The following SLC44A5 variants were observed in gnomAD, a reference collection of about 807,000 sequenced individuals.
SLC44A5 encodes choline transporter-like protein 5.
Under a neutral mutation model 101.8 loss-of-function variants are expected in SLC44A5, and 57 were observed. The observed-to-expected ratio is 0.56, with a 90% CI of 0.45 to 0.70. The LOEUF is 0.70. SLC44A5 is among the 30% of genes least tolerant of loss of function. The probability of loss-of-function intolerance (pLI) is 0.00; values close to 1 mark genes in which losing one functional copy is unlikely to be tolerated. For missense variants in SLC44A5, 737 were observed against 853.1 expected (o/e 0.86, Z 1.70); for synonymous variants, 281 against 290.9 (o/e 0.97, Z 0.35).
At chr1:75,401,009 T>C (rs1409177321) in intron 2 of SLC44A5, among the ~76,000 whole-genome samples, 1 of 152,210 alleles carries the variant, frequency 6.6e-6, no homozygotes, top group Non-Finnish European at 1.5e-5. Flanking sequence ...AAGGTGAGCC[T>C]CTGAAGCTGG....
intron 2 of SLC44A5, among the ~76,000 whole-genome samples, chr1:75,507,576 G>T (rs1237275241): frequency 6.6e-6 from 1 of 151,946 alleles, no homozygotes; most frequent in Non-Finnish European, 1.5e-5. Context: ...GAATCAGTTA[G>T]GGAGAAGTCC....
intron 6 of SLC44A5, among the ~76,000 whole-genome samples, chr1:75,259,164 G>A (rs1650274555): frequency 6.6e-6 from 1 of 152,108 alleles, no homozygotes; most frequent in South Asian, 2.1e-4. Context: ...CAACAAAACT[G>A]GACAGAGAAT....
At chr1:75,548,180 T>C (rs1200476457) in intron 1 of SLC44A5, among the ~76,000 whole-genome samples, 1 of 152,186 alleles carries the variant, frequency 6.6e-6, no homozygotes, top group South Asian at 2.1e-4. Flanking sequence ...ATTTTTATTA[T>C]GTTTCATTAC....
rs1557640384 is a variant in SLC44A5, at chr1:75,302,121, T to TTTTTTG, written c.102-1437_102-1436insCAAAAA. ...GTGCTCTAGTTTTTTTGTTTTTTTT[T>TTTTTTG]TTTTTTTTTTTTTTTGGTTAACAAC... is the stretch of plus-strand genomic sequence containing the variant. On this transcript the variant is annotated intron_variant, in intron 4 of 23. Transcript: ENST00000370859. Among the ~76,000 whole-genome samples, 12 of 138,826 alleles carry TTTTTTG rather than the reference T, an allele frequency of 8.6e-5. 1 individual carries two copies. In the South Asian group the frequency reaches 2.6e-3, roughly 31 times the overall value. 91.1% of individuals were successfully genotyped at this position (138,826 alleles called of 152,430 possible).
At chr1:75,259,213 G>A (rs1178569050) in intron 6 of SLC44A5, among the ~76,000 whole-genome samples, 1 of 152,094 alleles carries the variant, frequency 6.6e-6, no homozygotes, top group Non-Finnish European at 1.5e-5. Flanking sequence ...TCAGAAGATG[G>A]GTAATGACAA....
chr1:75,463,221 A>G (rs1666604714), intron 2 of SLC44A5, among the ~76,000 whole-genome samples: 2 of 152,180 alleles, frequency 1.3e-5, no homozygotes, highest in African/African-American at 4.8e-5. Context: ...GGAGATCGAG[A>G]CCATCTTGGC....
chr1:75,246,258 G>C (rs1320711573), intron 7 of SLC44A5, among the ~76,000 whole-genome samples: 1 of 152,012 alleles, frequency 6.6e-6, no homozygotes, highest in African/African-American at 2.4e-5. Context: ...ATGAAGAAAA[G>C]ATGATCTAGT....
At chr1:75,267,765 T>C (rs1651120903) in intron 6 of SLC44A5, among the ~76,000 whole-genome samples, 1 of 152,056 alleles carries the variant, frequency 6.6e-6, no homozygotes, top group Non-Finnish European at 1.5e-5. Context: ...GGGACAGGCT[T>C]TCACCATGTT....
intron 6 of SLC44A5, among the ~76,000 whole-genome samples, chr1:75,255,419 T>C (rs942792976): frequency 9.8e-5 from 14 of 143,236 alleles, no homozygotes; most frequent in African/African-American, 2.8e-4. Flanking sequence ...GAAAGGCTTA[T>C]AAAGATTAAA....
chr1:75,692,133 G>C, the SLC44A5 span, among the ~76,000 whole-genome samples: 1 of 149,924 alleles, frequency 6.7e-6, no homozygotes, highest in African/African-American at 2.4e-5. Context: ...AAAACACAGA[G>C]AGAGAACAAT....
chr1:75,593,328 G>A (rs1557942978), intron 1 of SLC44A5, among the ~76,000 whole-genome samples: 1 of 152,022 alleles, frequency 6.6e-6, no homozygotes. Flanking sequence ...CCAAAAGACA[G>A]GCAATAACAA....
intron 1 of SLC44A5, among the ~76,000 whole-genome samples, chr1:75,553,089 A>C (rs1047969932): frequency 3.3e-5 from 5 of 152,152 alleles, no homozygotes; most frequent in African/African-American, 1.2e-4. Flanking sequence ...ACATTTTCCA[A>C]AAAAGAAGTA....
intron 14 of SLC44A5, 115 bp from the exon 15 acceptor site, chr1:75,220,007 G>T: frequency 7.2e-6 from 4 of 554,314 alleles, no homozygotes; most frequent in South Asian, 3.3e-5. Flanking sequence ...TGATCATTCT[G>T]GCATATTCTC....
At chr1:75,566,121 G>A (rs1332963519) in intron 1 of SLC44A5, among the ~76,000 whole-genome samples, 1 of 152,148 alleles carries the variant, frequency 6.6e-6, no homozygotes, top group Non-Finnish European at 1.5e-5. Flanking sequence ...GAACCAGGAG[G>A]AAATGGAATG....
chr1:75,260,402 C>T lies in SLC44A5; in HGVS notation c.261-9108G>A, dbSNP rs75648153. On this transcript the variant is annotated intron_variant, in intron 6 of 23. Transcript: ENST00000370859. ...AGTCTCTGATAAAACAGACTTTAAA[C>T]GAACAAAGATCAAAAGAGACAAAGA... Among the ~76,000 whole-genome samples the T allele has an allele frequency of 1.1e-4, 17 of 152,052 alleles. 1 individual carries two copies. The highest frequency in any genetic ancestry group is 3.4e-3 in the Middle Eastern group (1 of 294).
At chr1:75,426,820 A>G (rs1664337448) in intron 2 of SLC44A5, among the ~76,000 whole-genome samples, 1 of 152,194 alleles carries the variant, frequency 6.6e-6, no homozygotes, top group Non-Finnish European at 1.5e-5. Context: ...GAGAGAAGAG[A>G]ATCTATTCTA....
chr1:75,458,354 G>A (rs1460099789), intron 2 of SLC44A5, among the ~76,000 whole-genome samples: 1 of 152,126 alleles, frequency 6.6e-6, no homozygotes, highest in African/African-American at 2.4e-5. Context: ...TATTGAAGGG[G>A]AATTAACATC....
intron 12 of SLC44A5, 121 bp downstream of exon 12, chr1:75,233,865 T>C (rs1277382685): frequency 2.7e-6 from 2 of 738,002 alleles, no homozygotes; most frequent in African/African-American, 1.8e-5. Context: ...TTTAAAGCTT[T>C]TTTGAGGGTA....
chr1:75,558,290 A>G (rs143698812), intron 1 of SLC44A5, among the ~76,000 whole-genome samples: 20 of 152,290 alleles, frequency 1.3e-4, no homozygotes, highest in African/African-American at 3.6e-4. Context: ...ATAAAATGTA[A>G]AACAAATTTT....
Sources: allele counts gnomAD v4.1 joint callset (sites outside exome capture counted in the v4.1 genomes callset), GRCh38; gene constraint gnomAD v4.1.1; transcripts MANE v1.5; gene names NCBI Gene and HGNC (gene_info 2026-07-23, HGNC 2026-07-21).